CELA1: variants seen among roughly 807,000 people sequenced by gnomAD.
The protein encoded by CELA1 is chymotrypsin like elastase 1.
Under a neutral mutation model 34.8 loss-of-function variants are expected in CELA1, and 28 were observed. The ratio of observed to expected loss-of-function variants is 0.80; its 90% CI spans 0.60 to 1.10. CELA1 has a LOEUF of 1.10. Ranked by LOEUF, CELA1 falls within the 50% of genes least tolerant of loss-of-function variation. The pLI, the probability that CELA1 is intolerant of heterozygous loss-of-function variation, is 0.00. For missense variants in CELA1, 288 were observed against 327.5 expected (o/e 0.88, Z 0.93); for synonymous variants, 140 against 129.8 (o/e 1.08, Z -0.53).
At chr12:51,336,566 G>A (rs1449117454) in intron 6 of CELA1, among the ~76,000 whole-genome samples, 1 of 152,208 alleles carries the variant, frequency 6.6e-6, no homozygotes, top group East Asian at 1.9e-4. Flanking sequence ...GACAGAGGGG[G>A]CAGTGAGCTG....
At chr12:51,340,741 C>G (rs546587561) in intron 5 of CELA1, among the ~76,000 whole-genome samples, 1 of 152,298 alleles carries the variant, frequency 6.6e-6, no homozygotes, top group East Asian at 1.9e-4. Flanking sequence ...TGCAGTGGCA[C>G]ATGCCTGTAA....
rs1301467924 is a variant in CELA1, at chr12:51,328,580, GT to G, written c.773del (p.Asn258ThrfsTer26). 7 of 1,614,044 alleles carry G rather than the reference GT, an allele frequency of 4.3e-6. No individual in the cohort carries two copies. The highest frequency in any genetic ancestry group is 5.9e-6 in the Non-Finnish European group (7 of 1,180,010). On this transcript the variant is annotated frameshift_variant, in exon 8 of 8. Coordinates refer to ENST00000293636, the MANE Select transcript of CELA1 (RefSeq NM_001971.6). LOFTEE classifies it high-confidence loss of function. ...GTCGTTGGACTCAGGAAAATGTTCA[GT>G]TGGAGGCGATGACCTGAAGGAAAGA... ...ISWINNVIAS[N>X]
chr12:51,331,368 G>A (rs1420323305), intron 6 of CELA1, among the ~76,000 whole-genome samples: 1 of 152,176 alleles, frequency 6.6e-6, no homozygotes, highest in African/African-American at 2.4e-5. Flanking sequence ...CAGCCTGGGC[G>A]ACAGAGCGAG....
At chr12:51,340,790 A>C (rs2137481717) in intron 5 of CELA1, among the ~76,000 whole-genome samples, 1 of 152,222 alleles carries the variant, frequency 6.6e-6, no homozygotes, top group Non-Finnish European at 1.5e-5. Context: ...AGGATTTCTT[A>C]AGCTCAGGAG....
At chr12:51,332,481 G>C (rs1356882775) in intron 6 of CELA1, among the ~76,000 whole-genome samples, 7 of 152,246 alleles carry the variant, frequency 4.6e-5, no homozygotes, top group Admixed American at 6.5e-5. Context: ...AGTTGAAAGT[G>C]GCCTCCCATG....
At chr12:51,335,324 T>C (rs1240884655) in intron 6 of CELA1, among the ~76,000 whole-genome samples, 4 of 150,834 alleles carry the variant, frequency 2.7e-5, no homozygotes, top group African/African-American at 7.3e-5. Flanking sequence ...TGGTGCGATC[T>C]TGGCTCACTG....
chr12:51,329,567 T>C, intron 7 of CELA1, 117 bp downstream of exon 7: 1 of 1,099,746 alleles, frequency 9.1e-7, no homozygotes, highest in East Asian at 2.5e-5. Flanking sequence ...AGTAAACACA[T>C]GAATGTGGTA....
intron 5 of CELA1, among the ~76,000 whole-genome samples, chr12:51,340,899 C>T (rs569010309): frequency 6.6e-6 from 1 of 152,168 alleles, no homozygotes; most frequent in South Asian, 2.1e-4. Context: ...CTCAGCTACT[C>T]AGGAGGCTGA....
At chr12:51,335,164 T>C (rs1022606766) in intron 6 of CELA1, among the ~76,000 whole-genome samples, 1 of 152,196 alleles carries the variant, frequency 6.6e-6, no homozygotes, top group Admixed American at 6.6e-5. Context: ...GTTCCATCTC[T>C]TTCTTCTGTG....
Position 51,340,025 on chromosome 12 carries a change from T to C in CELA1, c.464-20A>G. 1.2e-6 allele frequency: 2 copies of C among 1,607,574 alleles called. No homozygotes were observed. The highest frequency in any genetic ancestry group is 2.2e-5 in the South Asian group (2 of 90,270). ...CATTGGCTGAACAGGACACACGGCA[T>C]TGGCAGTCAGCTCCAGATGTGGTCC... On this transcript the variant is annotated intron_variant, in intron 5 of 7. Transcript: ENST00000293636.
chr12:51,342,494 G>A, intron 4 of CELA1, 81 bp downstream of exon 4: 2 of 1,598,096 alleles, frequency 1.3e-6, no homozygotes, highest in South Asian at 1.1e-5. Flanking sequence ...CTAGCCCTCT[G>A]AAAGAACAGG....
intron 6 of CELA1, among the ~76,000 whole-genome samples, chr12:51,333,482 C>T (rs1008593605): frequency 6.6e-6 from 1 of 150,840 alleles, no homozygotes; most frequent in Non-Finnish European, 1.5e-5. Flanking sequence ...CAGTCCCAAT[C>T]TCCTGGGCTC....
At chr12:51,338,301 TAC>T (rs1565701037) in intron 6 of CELA1, among the ~76,000 whole-genome samples, 1 of 14,798 alleles carries the variant, frequency 6.8e-5, no homozygotes, top group African/African-American at 9.5e-5. Context: ...CACATACGCA[TAC>T]ATATATATAT....
intron 4 of CELA1, among the ~76,000 whole-genome samples, chr12:51,342,292 C>T (rs1946541157): frequency 6.6e-6 from 1 of 152,124 alleles, no homozygotes; most frequent in South Asian, 2.1e-4. Flanking sequence ...GCCTTGGCTT[C>T]CCAAAGTGTT....
chr12:51,344,704 C>G (rs777283122), intron 2 of CELA1, among the ~76,000 whole-genome samples: 11 of 151,962 alleles, frequency 7.2e-5, no homozygotes, highest in Non-Finnish European at 1.6e-4. Context: ...TCTCCTCCCC[C>G]AAAAAAGAGG....
rs748099244 is a variant in CELA1, at chr12:51,343,916, C to T, written c.100-63G>A. ...TTTCTCAAATGGTTTTGCCCCAGGTCGGTTGCAGTGGCTCATGCCAGTAAT... is the reference window on the plus strand; with the variant it reads ...TTTCTCAAATGGTTTTGCCCCAGGTTGGTTGCAGTGGCTCATGCCAGTAAT... On this transcript the variant is annotated intron_variant, in intron 2 of 7. Transcript: ENST00000293636. 6.0e-4 allele frequency: 529 copies of T among 877,202 alleles called. 3 individuals carry two copies. The highest frequency in any genetic ancestry group is 8.1e-4 in the Non-Finnish European group (437 of 538,086). The allele number at this position is 877,202 out of a possible 1,614,324, so 54.3% of individuals were successfully genotyped here.
At chr12:51,330,431 T>C (rs1369630231) in intron 6 of CELA1, among the ~76,000 whole-genome samples, 1 of 152,186 alleles carries the variant, frequency 6.6e-6, no homozygotes, top group Non-Finnish European at 1.5e-5. Context: ...GCCAGGTCCA[T>C]AATGCCACAC....
At chr12:51,337,954 G>T (rs190154597) in intron 6 of CELA1, among the ~76,000 whole-genome samples, 135 of 151,186 alleles carry the variant, frequency 8.9e-4, no homozygotes, top group African/African-American at 3.2e-3. Context: ...GGCCAGGCGC[G>T]GTGGCTCATG....
At chr12:51,337,890 A>G (rs1275951545) in intron 6 of CELA1, among the ~76,000 whole-genome samples, 1 of 151,024 alleles carries the variant, frequency 6.6e-6, no homozygotes, top group Non-Finnish European at 1.5e-5. Flanking sequence ...CAGCCTGGGC[A>G]ACAGAGTGAG....
Sources: gnomAD v4.1 joint callset for allele counts (sites outside exome capture counted in the v4.1 genomes callset) on GRCh38, gnomAD v4.1.1 for gene constraint, MANE v1.5 for transcripts, NCBI Gene and HGNC (gene_info 2026-07-23, HGNC 2026-07-21) for gene names.